The following TRPC5 variants were observed in gnomAD, a reference collection of about 807,000 sequenced individuals.
The protein encoded by TRPC5 is transient receptor potential cation channel subfamily C member 5.
In TRPC5, 9 loss-of-function variants were observed where a neutral mutation model predicts 56.5. That is an observed-to-expected ratio of 0.16 (90% confidence interval 0.10 to 0.28). The LOEUF (loss-of-function observed/expected upper bound fraction) is 0.28, where lower values mean the gene tolerates loss of function less well. TRPC5 is among the 10% of genes least tolerant of loss of function. The pLI, the probability that TRPC5 is intolerant of heterozygous loss-of-function variation, is 1.00. For missense variants in TRPC5, 469 were observed against 748.9 expected, an observed-to-expected ratio of 0.63 and a Z score of 4.36; for synonymous variants, 282 against 278.5, an observed-to-expected ratio of 1.01 and a Z score of -0.13.
intron 7 of TRPC5, among the ~76,000 whole-genome samples, chrX:111,790,898 G>T (rs1946014349): frequency 9.2e-6 from 1 of 108,224 alleles, no homozygotes; most frequent in South Asian, 4.2e-4. Flanking sequence ...GCTCGCACCT[G>T]TAATCCCAGC....
At chrX:111,992,281 G>C (rs945495506) in intron 1 of TRPC5, among the ~76,000 whole-genome samples, 1 of 112,224 alleles carries the variant, frequency 8.9e-6, no homozygotes, top group East Asian at 2.8e-4. Context: ...TGTGGTGATG[G>C]TTTCACAGGT....
intron 1 of TRPC5, among the ~76,000 whole-genome samples, chrX:112,037,664 C>G (rs1306719330): frequency 9.0e-6 from 1 of 111,534 alleles, no homozygotes; most frequent in African/African-American, 3.3e-5. Context: ...CCCTTTTCTA[C>G]AATCTCTGAA....
At chrX:111,932,698 A>G (rs948427789) in intron 2 of TRPC5, among the ~76,000 whole-genome samples, 7 of 111,469 alleles carry the variant, frequency 6.3e-5, no homozygotes, top group African/African-American at 2.3e-4. Flanking sequence ...CATTCAATCA[A>G]TGGCCATAGA....
chrX:112,011,973 G>A (rs935776104), intron 1 of TRPC5, among the ~76,000 whole-genome samples: 1 of 111,806 alleles, frequency 8.9e-6, no homozygotes, highest in East Asian at 2.8e-4. Flanking sequence ...AAATAAAATG[G>A]AACAATTATT....
At chrX:111,785,157 T>A (rs1339951671) in intron 7 of TRPC5, among the ~76,000 whole-genome samples, 1 of 112,078 alleles carries the variant, frequency 8.9e-6, no homozygotes, top group East Asian at 2.8e-4. Context: ...ACACCTCATA[T>A]AGGCAGCTGT....
intron 7 of TRPC5, among the ~76,000 whole-genome samples, chrX:111,796,167 T>C (rs186151836): frequency 3.7e-4 from 42 of 112,263 alleles, no homozygotes; most frequent in African/African-American, 1.3e-3. Context: ...GATTCTTTTT[T>C]TATCACCTCT....
chrX:111,903,013 T>C (rs1324918598), intron 3 of TRPC5: 2 of 112,164 alleles, frequency 1.8e-5, no homozygotes, highest in East Asian at 5.6e-4. Context: ...TAAATATCTA[T>C]GGACTAGATA....
At chrX:111,980,190 A>G (rs1419572318) in intron 1 of TRPC5, among the ~76,000 whole-genome samples, 3 of 111,889 alleles carry the variant, frequency 2.7e-5, no homozygotes, top group Non-Finnish European at 5.7e-5. Context: ...ATAAATTTCA[A>G]AATAAGTATG....
chrX:111,776,294 C>A lies in TRPC5; in HGVS notation c.*19G>T. ...TACAGATTTCTGTTGAGTTCCAGAA[C>A]AGATGATTAGGGCTTGACTTAGAGG... On this transcript the variant is annotated 3_prime_UTR_variant, in exon 11 of 11. Transcript: ENST00000262839. The A allele has an allele frequency of 8.7e-7, 1 of 1,144,622 alleles. No homozygotes were observed. Among genetic ancestry groups the A allele is most frequent in the Non-Finnish European group, 1.2e-6 (1 of 863,777 alleles). 94.3% of individuals were successfully genotyped at this position (1,144,622 alleles called of 1,213,427 possible).
chrX:111,842,005 C>G (rs1470247170), intron 6 of TRPC5, among the ~76,000 whole-genome samples: 1 of 106,283 alleles, frequency 9.4e-6, no homozygotes, highest in African/African-American at 3.6e-5. Flanking sequence ...GACACCACGC[C>G]CAGCCTGGGA....
At chrX:111,802,868 AT>A (rs907590242) in intron 7 of TRPC5, among the ~76,000 whole-genome samples, 1 of 110,909 alleles carries the variant, frequency 9.0e-6, no homozygotes, top group African/African-American at 3.3e-5. Context: ...TTATTTATGT[AT>A]TTTTTTATTA....
At chrX:111,912,172 C>T in intron 3 of TRPC5, 119 bp downstream of exon 3, 2 of 849,851 alleles carry the variant, frequency 2.4e-6, no homozygotes, top group East Asian at 3.2e-5. Flanking sequence ...AGCTGTGAGG[C>T]CTGCCCAACC....
chrX:111,880,452 A>G (rs974784036), intron 3 of TRPC5, among the ~76,000 whole-genome samples: 1 of 112,659 alleles, frequency 8.9e-6, no homozygotes, highest in African/African-American at 3.2e-5. Flanking sequence ...TACATCCCAC[A>G]GCCACAGGCC....
At chrX:111,803,086 A>G (rs7054384) in intron 7 of TRPC5, among the ~76,000 whole-genome samples, 2,765 of 110,428 alleles carry the variant, frequency 0.025, 78 homozygotes, top group African/African-American at 0.087. Context: ...TCATTGTTCA[A>G]TTCCCACCTA....
intron 2 of TRPC5, among the ~76,000 whole-genome samples, chrX:111,930,273 C>T (rs964625338): frequency 5.4e-5 from 6 of 110,685 alleles, no homozygotes; most frequent in Non-Finnish European, 1.1e-4. Context: ...CATGAAGAAA[C>T]CCCGTCTCTA....
chrX:112,075,254 A>C, intron 1 of TRPC5, among the ~76,000 whole-genome samples: 1 of 112,348 alleles, frequency 8.9e-6, no homozygotes. Flanking sequence ...GTAGGCCAAC[A>C]GGGAAAATTC....
chrX:112,049,850 A>C (rs1388834680), intron 1 of TRPC5, among the ~76,000 whole-genome samples: 3 of 111,200 alleles, frequency 2.7e-5, no homozygotes, highest in African/African-American at 6.6e-5. Flanking sequence ...TTACTTTACT[A>C]CCCTCTCAGA....
intron 1 of TRPC5, among the ~76,000 whole-genome samples, chrX:111,956,844 G>T (rs1384549556): frequency 9.0e-6 from 1 of 111,586 alleles, no homozygotes; most frequent in African/African-American, 3.3e-5. Context: ...CACCTCCACA[G>T]ATGGAAAACT....
chrX:112,022,933 T>A (rs1321277566), intron 1 of TRPC5, among the ~76,000 whole-genome samples: 1 of 111,744 alleles, frequency 8.9e-6, no homozygotes, highest in Non-Finnish European at 1.9e-5. Context: ...GGAAGATTTT[T>A]TTTTTTATTT....
Sources: allele counts gnomAD v4.1 joint callset (sites outside exome capture counted in the v4.1 genomes callset), GRCh38; gene constraint gnomAD v4.1.1; transcripts MANE v1.5; gene names NCBI Gene and HGNC (gene_info 2026-07-23, HGNC 2026-07-21).